Variants in WWC1 observed in about 807,000 individuals in gnomAD.
WWC1 encodes WW and C2 domain containing 1.
Under a neutral mutation model 138.4 loss-of-function variants are expected in WWC1, and 55 were observed. The observed-to-expected ratio is 0.40, with a 90% CI of 0.32 to 0.50. The LOEUF is 0.50. Ranked by LOEUF, WWC1 falls within the 20% of genes least tolerant of loss-of-function variation. The pLI is 0.72. For synonymous variants in WWC1, 524 were observed against 564.9 expected (o/e 0.93, Z 1.03); for missense variants, 1,226 against 1,420.4 (o/e 0.86, Z 2.20).
At chr5:168,459,016 G>A (rs1190567646) in intron 19 of WWC1, among the ~76,000 whole-genome samples, 1 of 152,126 alleles carries the variant, frequency 6.6e-6, no homozygotes, top group Non-Finnish European at 1.5e-5. Context: ...GACATTGAGA[G>A]GCTGAGATGG....
chr5:168,463,607 T>C (rs952981762), intron 20 of WWC1, among the ~76,000 whole-genome samples: 2 of 152,246 alleles, frequency 1.3e-5, no homozygotes, highest in Non-Finnish European at 2.9e-5. Flanking sequence ...TCATGAATTA[T>C]TGTTTTTTAA....
intron 6 of WWC1, among the ~76,000 whole-genome samples, chr5:168,406,936 T>G (rs1447739508): frequency 2.6e-5 from 4 of 151,764 alleles, no homozygotes; most frequent in Non-Finnish European, 5.9e-5. Context: ...AGTGAGACTC[T>G]GTCTCAAAAA....
intron 1 of WWC1, among the ~76,000 whole-genome samples, chr5:168,353,304 C>T (rs1277624501): frequency 6.6e-6 from 1 of 152,244 alleles, no homozygotes; most frequent in Non-Finnish European, 1.5e-5. Context: ...GTGACCTGGC[C>T]TGGCTCTTCC....
In WWC1 at chr5:168,381,465, G is replaced by T. The variant is rs1777627069; in HGVS notation, c.230-3746G>T. ...CAGTGACCAATCGGCCCATGTGTTT[G>T]TCATCTCTTAAACACCGGTTCTCAC... On this transcript the variant is annotated intron_variant, in intron 2 of 22. Transcript: ENST00000265293. Among the ~76,000 whole-genome samples the T allele has an allele frequency of 2.6e-5, 4 of 152,290 alleles. No individual in the cohort carries two copies. In the South Asian group the frequency reaches 8.3e-4, roughly 32 times the overall value.
Position 168,397,790 on chromosome 5 carries a change from C to T in WWC1, c.500C>T (p.Ala167Val). 1 of 1,614,040 alleles carries T rather than the reference C, an allele frequency of 6.2e-7. No homozygotes were observed. Among genetic ancestry groups the T allele is most frequent in the Non-Finnish European group, 8.5e-7 (1 of 1,179,950 alleles). ...PEILKAEIAT[A>V]KSRVNKLKRE... ...ATCCTGAAAGCTGAAATTGCCACTG[C>T]AAAATCCCGGGTAGGACCTCTTCAC... The change falls in exon 4 of 23, where the codon GCA (alanine) becomes GTA (valine). Residue 167 changes from alanine (A) to valine (V), a missense_variant. Physicochemically the swap from Ala to Val is moderately conservative, Grantham distance 64 (BLOSUM62 0). Transcript: ENST00000265293.
At chr5:168,409,342 T>C (rs1780048058) in intron 7 of WWC1, among the ~76,000 whole-genome samples, 1 of 152,228 alleles carries the variant, frequency 6.6e-6, no homozygotes, top group East Asian at 1.9e-4. Flanking sequence ...GTGAGCCTTG[T>C]AGCTTCTTGC....
At chr5:168,384,307 C>G (rs941173447) in intron 2 of WWC1, among the ~76,000 whole-genome samples, 7 of 152,126 alleles carry the variant, frequency 4.6e-5, no homozygotes, top group Non-Finnish European at 7.3e-5. Context: ...TAGAACAGCA[C>G]TTATCATAGA....
chr5:168,461,246 C>G (rs905024839), intron 20 of WWC1, among the ~76,000 whole-genome samples: 1 of 151,582 alleles, frequency 6.6e-6, no homozygotes, highest in African/African-American at 2.4e-5. Flanking sequence ...GCAGGAGAAT[C>G]GCTTAAACGC....
chr5:168,298,032 GTTTTA>G (rs986133490), intron 1 of WWC1, among the ~76,000 whole-genome samples: 6 of 151,966 alleles, frequency 3.9e-5, no homozygotes, highest in Non-Finnish European at 7.4e-5. Context: ...AACAAGCTTT[GTTTTA>G]TTTTATTTTA....
intron 15 of WWC1, among the ~76,000 whole-genome samples, chr5:168,432,334 C>T (rs2152861677): frequency 6.6e-6 from 1 of 152,310 alleles, no homozygotes; most frequent in African/African-American, 2.4e-5. Context: ...CTGAAACTGA[C>T]CTTCTCCGGC....
chr5:168,451,777 A>G (rs985059755), intron 17 of WWC1, among the ~76,000 whole-genome samples: 2 of 152,212 alleles, frequency 1.3e-5, no homozygotes, highest in East Asian at 1.9e-4. Flanking sequence ...GTACACACCC[A>G]GTAGTAGAGT....
intron 1 of WWC1, among the ~76,000 whole-genome samples, chr5:168,343,561 C>T (rs1343173171): frequency 3.9e-5 from 6 of 151,982 alleles, no homozygotes; most frequent in East Asian, 1.9e-4. Flanking sequence ...TGGTGGCTCA[C>T]GCCTGTAATC....
At chr5:168,433,323 A>G (rs763408884) in intron 15 of WWC1, among the ~76,000 whole-genome samples, 2 of 152,222 alleles carry the variant, frequency 1.3e-5, no homozygotes, top group East Asian at 1.9e-4. Context: ...GGTGAGGCCA[A>G]TGCTGCTGGT....
At chr5:168,383,088 A>G (rs1777768898) in intron 2 of WWC1, among the ~76,000 whole-genome samples, 1 of 151,964 alleles carries the variant, frequency 6.6e-6, no homozygotes, top group South Asian at 2.1e-4. Context: ...AGGCAGGGAT[A>G]ATTACTGGAA....
chr5:168,418,523 G>A (rs947012987), intron 9 of WWC1, among the ~76,000 whole-genome samples: 1 of 152,142 alleles, frequency 6.6e-6, no homozygotes, highest in Non-Finnish European at 1.5e-5. Context: ...CGTGTGCCAG[G>A]CATCTCACAC....
chr5:168,458,151 C>T (rs1254398603), intron 19 of WWC1, among the ~76,000 whole-genome samples: 1 of 152,212 alleles, frequency 6.6e-6, no homozygotes, highest in East Asian at 1.9e-4. Flanking sequence ...TAATCAGCAA[C>T]ACTTCCAGCC....
At position 168,401,226 on chromosome 5, in the gene WWC1, T is replaced by C. The variant is rs74985663; in HGVS notation, c.590+1659T>C. The stretch of plus-strand genomic sequence containing the variant: ...AACAGACTCATTCATTGAATTGTGT[T>C]CAGTGTATCCAATGGGCTCACTGGA... On this transcript the variant is annotated intron_variant, in intron 5 of 22. Transcript: ENST00000265293. Among the ~76,000 whole-genome samples the C allele has an allele frequency of 5.8e-3, 883 of 152,342 alleles. 11 individuals carry two copies. The highest frequency in any genetic ancestry group is 0.02 in the African/African-American group (844 of 41,580).
chr5:168,301,814 T>G (rs1052959645), intron 1 of WWC1, among the ~76,000 whole-genome samples: 1 of 152,166 alleles, frequency 6.6e-6, no homozygotes, highest in Non-Finnish European at 1.5e-5. Flanking sequence ...TAGGCCAACC[T>G]ACCCTCCTGT....
chr5:168,454,210 G>T, intron 18 of WWC1, 110 bp downstream of exon 18: 1 of 1,497,392 alleles, frequency 6.7e-7, no homozygotes, highest in Non-Finnish European at 9.0e-7. Flanking sequence ...CCAGCATCAG[G>T]GCACAAGCCC....
Sources: allele counts gnomAD v4.1 joint callset (sites outside exome capture counted in the v4.1 genomes callset), GRCh38; gene constraint gnomAD v4.1.1; transcripts MANE v1.5; gene names NCBI Gene and HGNC (gene_info 2026-07-23, HGNC 2026-07-21).